Variants in UGT2A2 observed in about 807,000 individuals in gnomAD.
UGT2A2 encodes UDP-glucuronosyltransferase 2A2.
UGT2A2 carries 60 observed loss-of-function variants against 50.7 expected under a neutral mutation model. The observed-to-expected ratio is 1.18, with a 90% CI of 0.96 to 1.47. UGT2A2 has a LOEUF of 1.47. Ranked by LOEUF, UGT2A2 falls within the 40% of genes most tolerant of loss-of-function variation. The probability of loss-of-function intolerance (pLI) is 0.00; values close to 1 mark genes in which losing one functional copy is unlikely to be tolerated. For missense variants in UGT2A2, 762 were observed against 634.0 expected, an observed-to-expected ratio of 1.20 and a Z score of -2.17; for synonymous variants, 242 against 214.6, an observed-to-expected ratio of 1.13 and a Z score of -1.11.
intron 1 of UGT2A2, among the ~76,000 whole-genome samples, chr4:69,614,383 G>A (rs968014108): frequency 1.3e-4 from 20 of 151,864 alleles, no homozygotes; most frequent in African/African-American, 2.4e-4. Context: ...GCATTAAAAC[G>A]TCTATAGCAC....
At chr4:69,607,498 C>T (rs960209425) in intron 1 of UGT2A2, among the ~76,000 whole-genome samples, 1 of 151,876 alleles carries the variant, frequency 6.6e-6, no homozygotes, top group Non-Finnish European at 1.5e-5. Context: ...CCATTCAGGA[C>T]ATAGGCATGG....
chr4:69,612,388 G>A (rs748523719), intron 1 of UGT2A2, among the ~76,000 whole-genome samples: 2 of 151,840 alleles, frequency 1.3e-5, no homozygotes, highest in African/African-American at 2.4e-5. Flanking sequence ...CACATAATTA[G>A]ATAAAAACTA....
intron 2 of UGT2A2, among the ~76,000 whole-genome samples, chr4:69,596,782 A>G (rs1485747305): frequency 4.6e-5 from 7 of 152,204 alleles, no homozygotes; most frequent in Non-Finnish European, 5.9e-5. Context: ...TTGGTCTCCC[A>G]AAGTGCTGGA....
intron 1 of UGT2A2, among the ~76,000 whole-genome samples, chr4:69,628,167 G>A (rs1394650956): frequency 6.6e-6 from 1 of 151,712 alleles, no homozygotes; most frequent in Non-Finnish European, 1.5e-5. Context: ...TTGTCTCAGG[G>A]CATCAAAATG....
chr4:69,636,212 C>T (rs1458415006), intron 1 of UGT2A2, among the ~76,000 whole-genome samples: 1 of 152,114 alleles, frequency 6.6e-6, no homozygotes, highest in African/African-American at 2.4e-5. Context: ...TGAAGAACAA[C>T]TATTGTAATG....
chr4:69,593,428 A>G (rs1718699399), intron 5 of UGT2A2, among the ~76,000 whole-genome samples: 1 of 151,858 alleles, frequency 6.6e-6, no homozygotes, highest in South Asian at 2.1e-4. Flanking sequence ...CTAAAATTAA[A>G]ACACATCATC....
chr4:69,609,615 A>T (rs892303676), intron 1 of UGT2A2, among the ~76,000 whole-genome samples: 1 of 152,208 alleles, frequency 6.6e-6, no homozygotes, highest in Non-Finnish European at 1.5e-5. Context: ...TACTCGTGAA[A>T]GTATAAACTA....
At position 69,594,701 on chromosome 4, in the gene UGT2A2, T is replaced by C. The variant is rs779235745; in HGVS notation, c.1112-5A>G. 10 of 1,611,604 alleles carry C rather than the reference T, an allele frequency of 6.2e-6. No individual in the cohort carries two copies. In the East Asian group the frequency reaches 1.1e-4, roughly 18 times the overall value. On this transcript the variant is annotated splice_polypyrimidine_tract_variant and splice_region_variant and intron_variant, in intron 4 of 5. Coordinates refer to ENST00000604629, the MANE Select transcript of UGT2A2 (RefSeq NM_001105677.2). The stretch of plus-strand genomic sequence containing the variant: ...AAGCTTTGGTTTTGGGATGTCCTAA[T>C]TTGAGGATGGAGTGAGAAGTGGGTG...
At chr4:69,622,044 A>C (rs74586029) in intron 1 of UGT2A2, among the ~76,000 whole-genome samples, 41,235 of 151,476 alleles carry the variant, frequency 0.27, 5,820 homozygotes, top group South Asian at 0.32. Flanking sequence ...AAGAGAAAAT[A>C]TAACTATTGA....
intron 1 of UGT2A2, among the ~76,000 whole-genome samples, chr4:69,607,196 G>T (rs1383350373): frequency 6.6e-6 from 1 of 150,390 alleles, no homozygotes; most frequent in African/African-American, 2.5e-5. Flanking sequence ...AACCAAAACA[G>T]CATGGTACTG....
At chr4:69,602,441 A>T (rs1306150169) in intron 1 of UGT2A2, among the ~76,000 whole-genome samples, 2 of 119,974 alleles carry the variant, frequency 1.7e-5, no homozygotes, top group Non-Finnish European at 3.5e-5. Flanking sequence ...AACAATTTTT[A>T]GAATAACAAA....
intron 1 of UGT2A2, among the ~76,000 whole-genome samples, chr4:69,637,930 G>A (rs1390695263): frequency 7.2e-6 from 1 of 139,840 alleles, no homozygotes; most frequent in Non-Finnish European, 1.5e-5. Flanking sequence ...CAGGCAGGCA[G>A]GAAGGAAGGA....
chr4:69,594,560 T>G lies in UGT2A2; in HGVS notation c.1248A>C (p.Lys416Asn). The G allele has an allele frequency of 1.9e-6, 3 of 1,614,106 alleles. No individual in the cohort carries two copies. Among genetic ancestry groups the G allele is most frequent in the Non-Finnish European group, 2.5e-6 (3 of 1,180,026 alleles). ...QPDNIAHMKA[K>N]GAAVEVNLNT... is the part of the protein sequence containing the mutation. Reference sequence around the variant, plus strand: ...TTAGGTTCACTTCCACAGCTGCTCCTTTGGCCTTCATGTGAGCAATGTTAT... The same window carrying G: ...TTAGGTTCACTTCCACAGCTGCTCCGTTGGCCTTCATGTGAGCAATGTTAT... The change falls in exon 5 of 6, where the codon AAA becomes AAC. Residue 416 changes from lysine to asparagine, a missense_variant. Lys to Asn is a moderately conservative substitution (Grantham distance 94). Coordinates refer to ENST00000604629, the MANE Select transcript of UGT2A2 (RefSeq NM_001105677.2).
chr4:69,603,819 G>A (rs1719444048), intron 1 of UGT2A2, among the ~76,000 whole-genome samples: 1 of 136,914 alleles, frequency 7.3e-6, no homozygotes, highest in African/African-American at 3.0e-5. Flanking sequence ...GGGTATCAGT[G>A]ATGGAAGATC....
intron 5 of UGT2A2, among the ~76,000 whole-genome samples, chr4:69,592,423 C>T (rs1718645417): frequency 6.6e-6 from 1 of 151,870 alleles, no homozygotes; most frequent in Non-Finnish European, 1.5e-5. Context: ...TTAGGTATTG[C>T]ATATAGTCCA....
At chr4:69,595,841 C>T (rs531384806) in intron 3 of UGT2A2, among the ~76,000 whole-genome samples, 2 of 152,142 alleles carry the variant, frequency 1.3e-5, no homozygotes, top group Non-Finnish European at 2.9e-5. Flanking sequence ...AAAACCTAGA[C>T]ATTCGAATTA....
chr4:69,615,071 A>G lies in UGT2A2; in HGVS notation c.743-15677T>C, dbSNP rs542996933. The stretch of plus-strand genomic sequence containing the variant: ...AGCAAGTGGAAAACCAGACCTCATG[A>G]TCCAATCACCTTTCAACAGATCCCT... On this transcript the variant is annotated intron_variant, in intron 1 of 5. Transcript: ENST00000604629. Among the ~76,000 whole-genome samples the G allele has an allele frequency of 2.6e-5, 4 of 152,100 alleles. No homozygotes were observed. The South Asian group carries it at 8.3e-4, about 32-fold the overall frequency.
chr4:69,605,768 A>G lies in UGT2A2; in HGVS notation c.743-6374T>C, dbSNP rs1457832393. On this transcript the variant is annotated intron_variant, in intron 1 of 5. Transcript: ENST00000604629. Reference sequence around the variant, plus strand: ...CACCACCGATCCCACAGAAATACAAAGTACCATCAGAGAATACTATAAACA... The same window carrying G: ...CACCACCGATCCCACAGAAATACAAGGTACCATCAGAGAATACTATAAACA... Among the ~76,000 whole-genome samples the G allele has an allele frequency of 1.5e-5, 2 of 137,232 alleles. 1 individual carries two copies. Among genetic ancestry groups the G allele is most frequent in the Non-Finnish European group, 3.1e-5 (2 of 64,396 alleles). 90.0% of individuals were successfully genotyped at this position (137,232 alleles called of 152,430 possible). A position where few individuals can be genotyped will look rare whatever the true frequency, so the allele number is the denominator to read the frequency against.
intron 1 of UGT2A2, among the ~76,000 whole-genome samples, chr4:69,627,521 G>T (rs1419756000): frequency 7.9e-6 from 1 of 126,268 alleles, no homozygotes; most frequent in Admixed American, 8.3e-5. Context: ...AAGAAAGAAA[G>T]AAGAAAGAAA....
Sources: gnomAD v4.1 joint callset for allele counts (sites outside exome capture counted in the v4.1 genomes callset) on GRCh38, gnomAD v4.1.1 for gene constraint, MANE v1.5 for transcripts, NCBI Gene and HGNC (gene_info 2026-07-23, HGNC 2026-07-21) for gene names.